P4HA2: variants seen among roughly 807,000 people sequenced by gnomAD.
P4HA2 encodes prolyl 4-hydroxylase subunit alpha-2.
Under a neutral mutation model 76.9 loss-of-function variants are expected in P4HA2, and 46 were observed. That is an observed-to-expected ratio of 0.60 (90% CI 0.47 to 0.76). The LOEUF is 0.76. P4HA2 is among the 30% of genes least tolerant of loss of function. The probability of loss-of-function intolerance (pLI) is 0.00; values close to 1 mark genes in which losing one functional copy is unlikely to be tolerated. For synonymous variants in P4HA2, 243 were observed against 254.0 expected (o/e 0.96, Z 0.41); for missense variants, 583 against 669.4 (o/e 0.87, Z 1.42).
chr5:132,197,684 A>G (rs1750858215), intron 12 of P4HA2, among the ~76,000 whole-genome samples: 1 of 151,924 alleles, frequency 6.6e-6, no homozygotes, highest in East Asian at 1.9e-4. Context: ...TGAGGACATT[A>G]TGCACCAGCC....
In P4HA2 at chr5:132,207,806, T is replaced by C. The variant is rs1305662624; in HGVS notation, c.982A>G (p.Lys328Glu). ...GGGCTGTCCCACTCGTCCTCCTCTT[T>C]GAAGGGGGCAATGAGCAGCTGTGGG... ...RAPQLLIAPF[K>E]EEDEWDSPHI... Residue 328 changes from lysine (K) to glutamate (E), a missense_variant, in exon 8 of 15, where the codon AAA becomes GAA. Coordinates refer to ENST00000360568, the MANE Select transcript of P4HA2 (RefSeq NM_001017974.2). 1 of 1,612,786 alleles carries C rather than the reference T, an allele frequency of 6.2e-7. No individual in the cohort carries two copies. Among genetic ancestry groups the C allele is most frequent in the Admixed American group, 1.7e-5 (1 of 59,938 alleles).
intron 4 of P4HA2, 50 bp from the exon 5 acceptor site, chr5:132,214,103 A>G: frequency 2.5e-6 from 4 of 1,592,120 alleles, no homozygotes; most frequent in Non-Finnish European, 1.7e-6. Context: ...CAGGGGCAGA[A>G]TTCCACTTGG....
At chr5:132,224,494 C>A (rs1244580741) in intron 1 of P4HA2, among the ~76,000 whole-genome samples, 1 of 152,156 alleles carries the variant, frequency 6.6e-6, no homozygotes, top group Non-Finnish European at 1.5e-5. Flanking sequence ...TCAGCTGATT[C>A]CTGGGTGAGA....
At chr5:132,201,050 C>T (rs1270014302) in intron 10 of P4HA2, 3 of 152,232 alleles carry the variant, frequency 2.0e-5, no homozygotes, top group African/African-American at 4.8e-5. Context: ...AGAAACTGTA[C>T]GTCAAGACCG....
intron 12 of P4HA2, among the ~76,000 whole-genome samples, chr5:132,196,720 G>A (rs1279946212): frequency 2.0e-5 from 3 of 152,054 alleles, no homozygotes. Context: ...AATTAGCTGG[G>A]CATGGTGGTG....
At chr5:132,207,357 C>T (rs1752340934) in intron 8 of P4HA2, among the ~76,000 whole-genome samples, 1 of 152,178 alleles carries the variant, frequency 6.6e-6, no homozygotes, top group Admixed American at 6.5e-5. Context: ...ATCAGGAGCT[C>T]CACAGGACCC....
intron 4 of P4HA2, 68 bp from the exon 5 acceptor site, chr5:132,214,121 G>A (rs1298572134): frequency 3.9e-6 from 6 of 1,522,780 alleles, no homozygotes; most frequent in East Asian, 4.5e-5. Flanking sequence ...TGGGACCAGA[G>A]AGGCAGCCAC....
At chr5:132,206,706 T>C (rs1167175521) in intron 8 of P4HA2, among the ~76,000 whole-genome samples, 1 of 152,160 alleles carries the variant, frequency 6.6e-6, no homozygotes, top group Non-Finnish European at 1.5e-5. Flanking sequence ...TAAAATACCA[T>C]AGGAATTTCC....
chr5:132,194,355 A>T (rs1750282992), intron 14 of P4HA2, among the ~76,000 whole-genome samples: 1 of 152,162 alleles, frequency 6.6e-6, no homozygotes, highest in South Asian at 2.1e-4. Context: ...CTACACACTC[A>T]TCTCCTTACA....
chr5:132,217,870 C>T, intron 2 of P4HA2, 22 bp from the exon 3 acceptor site: 1 of 1,471,772 alleles, frequency 6.8e-7, no homozygotes. Flanking sequence ...AGAAGAAAGA[C>T]ACCAGTGAGA....
intron 6 of P4HA2, 105 bp downstream of exon 6, chr5:132,210,173 TGACAGG>T: frequency 8.0e-7 from 1 of 1,250,552 alleles, no homozygotes; most frequent in South Asian, 1.3e-5. Context: ...ACTGGCCAAG[TGACAGG>T]GTAAACTGAC....
chr5:132,218,503 G>A (rs201783542), intron 2 of P4HA2, 42 bp downstream of exon 2: 8 of 1,358,866 alleles, frequency 5.9e-6, no homozygotes, highest in Non-Finnish European at 8.4e-6. Context: ...CGTGGCATGT[G>A]AGCCAAGGTG....
At chr5:132,219,857 T>C (rs563926756) in intron 1 of P4HA2, among the ~76,000 whole-genome samples, 2 of 152,042 alleles carry the variant, frequency 1.3e-5, no homozygotes, top group African/African-American at 2.4e-5. Flanking sequence ...TCCTAATCCA[T>C]TGAGATTCCA....
chr5:132,207,577 C>T (rs1258677289), intron 8 of P4HA2, 131 bp downstream of exon 8: 3 of 691,082 alleles, frequency 4.3e-6, no homozygotes, highest in Non-Finnish European at 7.4e-6. Flanking sequence ...TCTCTGTATC[C>T]CCACGGTAGG....
At position 132,191,781 on chromosome 5, in the gene P4HA2, C is replaced by G. The variant is rs1249953171; in HGVS notation, c.*1229G>C. 6.6e-6 allele frequency: 1 copy of G among 152,134 alleles called. No homozygotes were observed. The highest frequency in any genetic ancestry group is 6.5e-5 in the Admixed American group (1 of 15,274). The allele number at this position is 152,134 out of a possible 1,614,324, so 9.4% of individuals were successfully genotyped here. On this transcript the variant is annotated 3_prime_UTR_variant, in exon 15 of 15. Transcript: ENST00000360568. Reference sequence around the variant, plus strand: ...CTACAGAAATATGTGTTTATATGTGCACCAGGAATCATGTATAAAAATGTT... The same window carrying G: ...CTACAGAAATATGTGTTTATATGTGGACCAGGAATCATGTATAAAAATGTT...
chr5:132,208,399 G>GGA (rs1174859312), intron 7 of P4HA2, among the ~76,000 whole-genome samples: 1 of 13,576 alleles, frequency 7.4e-5, no homozygotes, highest in Non-Finnish European at 2.3e-4. Flanking sequence ...GGAGGGGAGG[G>GGA]GGAGGGGAGG....
chr5:132,204,889 G>C (rs1468263433), intron 8 of P4HA2, among the ~76,000 whole-genome samples: 1 of 152,264 alleles, frequency 6.6e-6, no homozygotes, highest in Non-Finnish European at 1.5e-5. Flanking sequence ...GTTAGGCTTA[G>C]TGAAACCCCA....
intron 1 of P4HA2, chr5:132,227,368 C>T (rs1401941383): frequency 6.6e-6 from 1 of 152,230 alleles, no homozygotes; most frequent in African/African-American, 2.4e-5. Flanking sequence ...GCAGAACGGG[C>T]TTAGCCAATA....
At chr5:132,225,813 A>G (rs577977177) in intron 1 of P4HA2, among the ~76,000 whole-genome samples, 96 of 152,308 alleles carry the variant, frequency 6.3e-4, no homozygotes, top group African/African-American at 2.0e-3. Context: ...GGCCTATCAC[A>G]TGCCACAGAC....
Sources: allele counts gnomAD v4.1 joint callset (sites outside exome capture counted in the v4.1 genomes callset), GRCh38; gene constraint gnomAD v4.1.1; transcripts MANE v1.5; gene names NCBI Gene and HGNC (gene_info 2026-07-23, HGNC 2026-07-21).